RUNDC3B: variants seen among roughly 807,000 people sequenced by gnomAD.
RUNDC3B encodes RUN domain-containing protein 3B.
A neutral mutation model predicts 58.4 loss-of-function variants in RUNDC3B; 33 were observed. The ratio of observed to expected loss-of-function variants is 0.56; its 90% CI spans 0.43 to 0.75. The LOEUF (loss-of-function observed/expected upper bound fraction) is 0.75, where lower values mean the gene tolerates loss of function less well. RUNDC3B is among the 30% of genes least tolerant of loss of function. RUNDC3B has a pLI of 0.00. For missense variants in RUNDC3B, 501 were observed against 535.7 expected (o/e 0.94, Z 0.64); for synonymous variants, 193 against 195.2 (o/e 0.99, Z 0.10).
At chr7:87,781,668 A>G (rs530538248) in intron 8 of RUNDC3B, among the ~76,000 whole-genome samples, 1 of 152,206 alleles carries the variant, frequency 6.6e-6, no homozygotes, top group East Asian at 1.9e-4. Flanking sequence ...CTCAAAACCT[A>G]GTTTTTTGAG....
intron 2 of RUNDC3B, among the ~76,000 whole-genome samples, chr7:87,660,825 A>G (rs1824628799): frequency 6.6e-6 from 1 of 151,770 alleles, no homozygotes; most frequent in African/African-American, 2.4e-5. Flanking sequence ...TTGTCTTATG[A>G]GTAATTTGGA....
chr7:87,797,853 G>C (rs376073494), intron 8 of RUNDC3B, among the ~76,000 whole-genome samples: 1 of 151,862 alleles, frequency 6.6e-6, no homozygotes, highest in South Asian at 2.1e-4. Flanking sequence ...TTTGCGATGC[G>C]AATTAACTTA....
rs17852063 is a variant in RUNDC3B at position 87,741,516 on chromosome 7, A to G, written c.566A>G (p.Glu189Gly). 1 of 1,569,974 alleles carries G rather than the reference A, an allele frequency of 6.4e-7. No homozygotes were observed. ...TGTCTTAGTTTCTGCCTAAAGGGAG[A>G]GGGGCTGGATGGCAGTTTTCCTGCT... ...AIDFSFCLKG[E>G]GLDGSFPAVI... is the part of the protein sequence containing the mutation. The change falls in exon 6 of 11, where the codon GAG becomes GGG. Residue 189 changes from glutamate to glycine, a missense_variant. Glu to Gly is a moderately conservative substitution (Grantham distance 98). Transcript: ENST00000394654.
chr7:87,728,307 T>A (rs1831368015), intron 4 of RUNDC3B, among the ~76,000 whole-genome samples: 1 of 152,204 alleles, frequency 6.6e-6, no homozygotes. Context: ...ATTCTCTGAA[T>A]AGGCTGTACA....
chr7:87,674,437 G>A (rs925585919), intron 2 of RUNDC3B, among the ~76,000 whole-genome samples: 1 of 152,084 alleles, frequency 6.6e-6, no homozygotes, highest in African/African-American at 2.4e-5. Context: ...CACATCAGTG[G>A]GGGAATAATG....
chr7:87,729,657 C>G (rs560983708), intron 4 of RUNDC3B, among the ~76,000 whole-genome samples: 14 of 152,274 alleles, frequency 9.2e-5, no homozygotes, highest in African/African-American at 2.9e-4. Context: ...GCCAAAGAGA[C>G]TTCAATTCCT....
intron 1 of RUNDC3B, among the ~76,000 whole-genome samples, chr7:87,650,035 G>C (rs1461591589): frequency 6.6e-6 from 1 of 152,124 alleles, no homozygotes; most frequent in Non-Finnish European, 1.5e-5. Flanking sequence ...TTTATTAGCA[G>C]TGTGAAAACA....
intron 1 of RUNDC3B, among the ~76,000 whole-genome samples, chr7:87,638,871 G>A (rs953828347): frequency 3.3e-5 from 5 of 151,770 alleles, no homozygotes; most frequent in Admixed American, 2.0e-4. Context: ...ATCTATTGTC[G>A]GCTGGGCATG....
chr7:87,708,300 G>C (rs1344359124), intron 3 of RUNDC3B, among the ~76,000 whole-genome samples: 1 of 152,048 alleles, frequency 6.6e-6, no homozygotes, highest in Non-Finnish European at 1.5e-5. Context: ...GAGGAATGAA[G>C]AAGAGGCCAA....
chr7:87,736,889 A>ATTTTTT (rs869109911), intron 4 of RUNDC3B, among the ~76,000 whole-genome samples: 6 of 28,220 alleles, frequency 2.1e-4, no homozygotes, highest in African/African-American at 6.3e-4. Flanking sequence ...ATATATATAT[A>ATTTTTT]TTTTTTTTTT....
At chr7:87,723,948 A>G (rs548697289) in intron 4 of RUNDC3B, among the ~76,000 whole-genome samples, 9 of 152,310 alleles carry the variant, frequency 5.9e-5, no homozygotes, top group Middle Eastern at 6.8e-3. Context: ...AAGGCCAGGC[A>G]TGGTGGCTCA....
At chr7:87,735,300 A>G (rs879864433) in intron 4 of RUNDC3B, among the ~76,000 whole-genome samples, 2 of 152,094 alleles carry the variant, frequency 1.3e-5, no homozygotes, top group Non-Finnish European at 1.5e-5. Context: ...CTTTATCTCC[A>G]TGGCTCTTAC....
At chr7:87,732,645 G>A (rs1410832183) in intron 4 of RUNDC3B, among the ~76,000 whole-genome samples, 1 of 152,102 alleles carries the variant, frequency 6.6e-6, no homozygotes, top group African/African-American at 2.4e-5. Flanking sequence ...GGTCCAGGGG[G>A]GTCACTGCCT....
intron 6 of RUNDC3B, among the ~76,000 whole-genome samples, chr7:87,753,368 G>T (rs1223970869): frequency 6.6e-6 from 1 of 152,000 alleles, no homozygotes; most frequent in Non-Finnish European, 1.5e-5. Flanking sequence ...GGGGTGGAGA[G>T]TTCTGTAGAT....
intron 2 of RUNDC3B, among the ~76,000 whole-genome samples, chr7:87,667,652 A>G (rs1313227689): frequency 6.6e-6 from 1 of 152,062 alleles, no homozygotes; most frequent in African/African-American, 2.4e-5. Flanking sequence ...ATTTTGAAGT[A>G]TGTTCCTTCA....
At chr7:87,641,930 T>C (rs1026463760) in intron 1 of RUNDC3B, among the ~76,000 whole-genome samples, 8 of 152,076 alleles carry the variant, frequency 5.3e-5, no homozygotes, top group Non-Finnish European at 1.0e-4. Context: ...TCAGGTCTAA[T>C]CTCAAAATTA....
At chr7:87,825,152 G>A (rs1339549338) in intron 10 of RUNDC3B, among the ~76,000 whole-genome samples, 1 of 152,054 alleles carries the variant, frequency 6.6e-6, no homozygotes, top group Non-Finnish European at 1.5e-5. Context: ...AACCTGGGAG[G>A]TGGAGCTTGC....
intron 8 of RUNDC3B, 139 bp downstream of exon 8, chr7:87,778,094 A>C: frequency 1.5e-6 from 1 of 689,492 alleles, no homozygotes; most frequent in Non-Finnish European, 2.4e-6. Context: ...TTGAAAGTTT[A>C]CTTATGTTCT....
intron 2 of RUNDC3B, among the ~76,000 whole-genome samples, chr7:87,685,628 C>A (rs1827382273): frequency 1.3e-5 from 2 of 152,046 alleles, no homozygotes; most frequent in South Asian, 2.1e-4. Context: ...TAGGAAAGAC[C>A]AAACTGTAGT....
Sources: gnomAD v4.1 joint callset for allele counts (sites outside exome capture counted in the v4.1 genomes callset) on GRCh38, gnomAD v4.1.1 for gene constraint, MANE v1.5 for transcripts, NCBI Gene and HGNC (gene_info 2026-07-23, HGNC 2026-07-21) for gene names.